PPP6R2: variants seen among roughly 807,000 people sequenced by gnomAD.
The protein encoded by PPP6R2 is serine/threonine-protein phosphatase 6 regulatory subunit 2.
In PPP6R2, 62 loss-of-function variants were observed where a neutral mutation model predicts 100.2. The ratio of observed to expected loss-of-function variants is 0.62; its 90% CI spans 0.50 to 0.76. The LOEUF is 0.76. PPP6R2 is among the 30% of genes least tolerant of loss of function. The pLI, the probability that PPP6R2 is intolerant of heterozygous loss-of-function variation, is 0.00. For synonymous variants in PPP6R2, 525 were observed against 514.7 expected, an observed-to-expected ratio of 1.02 and a Z score of -0.27; for missense variants, 1,142 against 1,276.3, an observed-to-expected ratio of 0.89 and a Z score of 1.60.
intron 2 of PPP6R2, among the ~76,000 whole-genome samples, chr22:50,381,745 A>G (rs1274149489): frequency 6.6e-6 from 1 of 151,862 alleles, no homozygotes; most frequent in Non-Finnish European, 1.5e-5. Context: ...CGTCTCTACT[A>G]AAAATACAAA....
chr22:50,422,478 AGT>A (rs762212166), intron 9 of PPP6R2, 98 bp downstream of exon 9: 20 of 1,491,884 alleles, frequency 1.3e-5, no homozygotes, highest in Non-Finnish European at 1.8e-5. Flanking sequence ...TAGGTAGCAG[AGT>A]GTGGAGTGAA....
chr22:50,338,987 A>ATGTAGTATG (rs2042336508), upstream of PPP6R2, among the ~76,000 whole-genome samples: 1 of 68,082 alleles, frequency 1.5e-5, no homozygotes, highest in Non-Finnish European at 2.8e-5. Flanking sequence ...TGTGTGTGGT[A>ATGTAGTATG]TGTAGTATGT....
intron 1 of PPP6R2, among the ~76,000 whole-genome samples, chr22:50,357,429 CTTTTT>C (rs1569277786): frequency 6.6e-6 from 1 of 151,246 alleles, no homozygotes; most frequent in Non-Finnish European, 1.5e-5. Context: ...CTTTTCTTTT[CTTTTT>C]CTTTTTTCTC....
intron 1 of PPP6R2, among the ~76,000 whole-genome samples, chr22:50,356,065 C>G (rs1415947834): frequency 2.0e-5 from 3 of 151,340 alleles, no homozygotes; most frequent in Admixed American, 6.6e-5. Context: ...CAGGTTCATG[C>G]CATTCTCCTG....
intron 11 of PPP6R2, 80 bp from the exon 12 acceptor site, chr22:50,432,185 T>C: frequency 1.5e-6 from 2 of 1,330,906 alleles, no homozygotes; most frequent in Non-Finnish European, 2.1e-6. Context: ...CAGCCAGCCC[T>C]GCCCAGTCCA....
In PPP6R2 at chr22:50,370,754, C is replaced by T. The variant is rs1322058413; in HGVS notation, c.-147-1266C>T. ...GTTCAAGTGATTCTCCTGCCTCAGC[C>T]TCCCGAGTAGCTGGGATTACAGGCG... On this transcript the variant is annotated intron_variant, in intron 1 of 23. Coordinates refer to ENST00000612753, the MANE Select transcript of PPP6R2 (RefSeq NM_001242898.2). 1.3e-5 allele frequency among the ~76,000 whole-genome samples: 2 copies of T among 152,038 alleles called. 1 individual carries two copies. The highest frequency in any genetic ancestry group is 3.9e-4 in the East Asian group (2 of 5,186).
At chr22:50,407,928 G>C (rs2059203938) in intron 4 of PPP6R2, among the ~76,000 whole-genome samples, 1 of 152,176 alleles carries the variant, frequency 6.6e-6, no homozygotes, top group Admixed American at 6.5e-5. Flanking sequence ...CTACGCCCAG[G>C]CTAGAGTCCA....
intron 6 of PPP6R2, among the ~76,000 whole-genome samples, chr22:50,418,234 C>A (rs1388527755): frequency 6.6e-6 from 1 of 151,962 alleles, no homozygotes; most frequent in Non-Finnish European, 1.5e-5. Flanking sequence ...GTTTTGAATT[C>A]CTGAAGATAG....
At position 50,431,635 on chromosome 22, in the gene PPP6R2, GGATGA is replaced by G. The variant is rs2063165434; in HGVS notation, c.1335+260_1335+264del. The stretch of plus-strand genomic sequence containing the variant: ...TGCAGGCCTGGCAAGGGTTAGCACT[GGATGA>G]GATGAGTTCAGTCTGGCCTCCAGCT... On this transcript the variant is annotated intron_variant, in intron 11 of 23. Coordinates refer to ENST00000612753, the MANE Select transcript of PPP6R2 (RefSeq NM_001242898.2). This position sits in a 1 kb window ranked among gnomAD's most constrained non-coding sequence, Gnocchi z 4.8. 6.6e-6 allele frequency among the ~76,000 whole-genome samples: 1 copy of G among 152,184 alleles called. No homozygotes were observed. The highest frequency in any genetic ancestry group is 1.5e-5 in the Non-Finnish European group (1 of 68,024).
chr22:50,352,498 G>A (rs2045527836), intron 1 of PPP6R2, among the ~76,000 whole-genome samples: 1 of 152,034 alleles, frequency 6.6e-6, no homozygotes, highest in Admixed American at 6.6e-5. Flanking sequence ...GTGAGGCTGA[G>A]GCAGGTGGAT....
intron 22 of PPP6R2, 83 bp downstream of exon 22, chr22:50,441,109 G>C: frequency 8.4e-7 from 1 of 1,188,308 alleles, no homozygotes; most frequent in South Asian, 1.6e-5. Flanking sequence ...CAGCTCCCCT[G>C]AGAGGAGGTG....
the PPP6R2 span, among the ~76,000 whole-genome samples, chr22:50,335,626 C>T: frequency 9.9e-5 from 15 of 151,084 alleles, no homozygotes; most frequent in Non-Finnish European, 1.8e-4. Context: ...ATTCTCCTGC[C>T]TCAGCCTCCC....
intron 4 of PPP6R2, among the ~76,000 whole-genome samples, chr22:50,413,264 G>A (rs182776055): frequency 6.6e-6 from 1 of 152,200 alleles, no homozygotes; most frequent in Non-Finnish European, 1.5e-5. Context: ...CACCTGGCCA[G>A]ATAAGTATTT....
chr22:50,444,528 G>T lies in PPP6R2; in HGVS notation c.*281G>T. The T allele has an allele frequency of 4.0e-6, 1 of 252,554 alleles. No homozygotes were observed. The highest frequency in any genetic ancestry group is 1.0e-3 in the Middle Eastern group (1 of 980). 15.6% of individuals were successfully genotyped at this position (252,554 alleles called of 1,614,324 possible). A position where few individuals can be genotyped will look rare whatever the true frequency, so the allele number is the denominator to read the frequency against. The stretch of plus-strand genomic sequence containing the variant: ...ATAAGGTCGGCCTGCAGGAGCCGGG[G>T]TGGGGGTGGGGGTGGGGGGGGCAGG... On this transcript the variant is annotated 3_prime_UTR_variant, in exon 24 of 24. Coordinates refer to ENST00000612753, the MANE Select transcript of PPP6R2 (RefSeq NM_001242898.2).
chr22:50,424,937 GC>G (rs2061888975), intron 10 of PPP6R2, among the ~76,000 whole-genome samples: 1 of 152,150 alleles, frequency 6.6e-6, no homozygotes, highest in Admixed American at 6.5e-5. Context: ...ACTGCACCCA[GC>G]CCCTTTTCCT....
Position 50,423,321 on chromosome 22 carries a change from C to A in PPP6R2, c.973-141C>A. On this transcript the variant is annotated intron_variant, in intron 9 of 23. Transcript: ENST00000612753. This position sits in a 1 kb window ranked among gnomAD's most constrained non-coding sequence, Gnocchi z 4.8. ...TGCCTTCATTTCTTCTGGCAGACGG[C>A]CCTCCCTGAGGAACCCCCACCACAT... 2.1e-6 allele frequency: 2 copies of A among 939,504 alleles called. No individual in the cohort carries two copies. Among genetic ancestry groups the A allele is most frequent in the Non-Finnish European group, 3.1e-6 (2 of 636,788 alleles). 58.2% of individuals were successfully genotyped at this position (939,504 alleles called of 1,614,324 possible).
chr22:50,428,855 G>A (rs1218901037), intron 10 of PPP6R2, among the ~76,000 whole-genome samples: 2 of 152,128 alleles, frequency 1.3e-5, no homozygotes, highest in East Asian at 3.9e-4. Context: ...GCTAAGAGAA[G>A]ACCGAATAGC....
chr22:50,392,032 G>T (rs1473379586), intron 2 of PPP6R2: 2 of 151,846 alleles, frequency 1.3e-5, no homozygotes, highest in African/African-American at 2.4e-5. Context: ...GAGACATCTG[G>T]TAGTGCATTT....
At chr22:50,414,332 C>G (rs868511686) in intron 4 of PPP6R2, among the ~76,000 whole-genome samples, 111 of 3,556 alleles carry the variant, frequency 0.031, 7 homozygotes, top group African/African-American at 0.11. Flanking sequence ...TGTGCAGTGG[C>G]CCCCCCCCCC....
Sources: allele counts gnomAD v4.1 joint callset (sites outside exome capture counted in the v4.1 genomes callset), GRCh38; gene constraint gnomAD v4.1.1; non-coding constraint Gnocchi (gnomAD v3.1); transcripts MANE v1.5; gene names NCBI Gene and HGNC (gene_info 2026-07-23, HGNC 2026-07-21).